PCDH15: variants seen among roughly 807,000 people sequenced by gnomAD.
PCDH15 encodes the protein protocadherin related 15.
In PCDH15, 129 loss-of-function variants were observed where a neutral mutation model predicts 178.5. That is an observed-to-expected ratio of 0.72 (90% CI 0.63 to 0.84). The LOEUF (loss-of-function observed/expected upper bound fraction) is 0.84, where lower values mean the gene tolerates loss of function less well. Ranked by LOEUF, PCDH15 falls within the 40% of genes least tolerant of loss-of-function variation. The probability of loss-of-function intolerance (pLI) is 0.00; values close to 1 mark genes in which losing one functional copy is unlikely to be tolerated. For synonymous variants in PCDH15, 800 were observed against 732.0 expected (o/e 1.09, Z -1.50); for missense variants, 2,230 against 2,099.9 (o/e 1.06, Z -1.21).
intron 2 of PCDH15, among the ~76,000 whole-genome samples, chr10:54,971,932 G>T (rs1348602972): frequency 1.3e-5 from 2 of 152,150 alleles, no homozygotes; most frequent in Non-Finnish European, 2.9e-5. Flanking sequence ...TGGTATACCT[G>T]TAGAGTTAAT....
chr10:55,243,895 A>G (rs1417367402), intron 1 of PCDH15, among the ~76,000 whole-genome samples: 2 of 152,130 alleles, frequency 1.3e-5, no homozygotes, highest in African/African-American at 4.8e-5. Flanking sequence ...GTGAATGGCT[A>G]CTTCTCACTT....
At chr10:54,916,773 G>C (rs1013155028) in intron 2 of PCDH15, among the ~76,000 whole-genome samples, 6 of 151,582 alleles carry the variant, frequency 4.0e-5, no homozygotes, top group African/African-American at 1.5e-4. Context: ...CAAATTGTAA[G>C]ATTAAAATTG....
chr10:54,047,293 TAA>T (rs1440412926), intron 18 of PCDH15, among the ~76,000 whole-genome samples: 1 of 151,148 alleles, frequency 6.6e-6, no homozygotes, highest in Non-Finnish European at 1.5e-5. Flanking sequence ...CATGAGTGGG[TAA>T]AGAGATGTGC....
chr10:55,107,520 C>T (rs1197541287), intron 2 of PCDH15, among the ~76,000 whole-genome samples: 1 of 127,680 alleles, frequency 7.8e-6, no homozygotes, highest in Non-Finnish European at 1.6e-5. Context: ...GAGATGGAGC[C>T]TCGCCCTGTT....
At chr10:55,007,071 T>A (rs2131938141) in intron 2 of PCDH15, among the ~76,000 whole-genome samples, 1 of 152,278 alleles carries the variant, frequency 6.6e-6, no homozygotes, top group East Asian at 1.9e-4. Flanking sequence ...TTTTGCTATG[T>A]GATGTGCTTG....
intron 2 of PCDH15, among the ~76,000 whole-genome samples, chr10:55,349,814 TAGAG>T (rs925659201): frequency 2.3e-4 from 35 of 152,226 alleles, no homozygotes; most frequent in Middle Eastern, 3.4e-3. Flanking sequence ...ACTTTTGCCT[TAGAG>T]AGAGAGCATG....
intron 1 of PCDH15, among the ~76,000 whole-genome samples, chr10:54,745,373 GA>G (rs11392477): frequency 6.6e-6 from 1 of 150,732 alleles, no homozygotes; most frequent in Non-Finnish European, 1.5e-5. Context: ...TATACACACA[GA>G]AAAAAAAACA....
At chr10:54,200,460 C>G (rs140556595) in intron 10 of PCDH15, among the ~76,000 whole-genome samples, 1,773 of 151,700 alleles carry the variant, frequency 0.012, 21 homozygotes, top group Middle Eastern at 0.065. Flanking sequence ...GTGTGATGTT[C>G]CCCTCCCTGT....
chr10:54,005,377 C>A (rs2092348852), intron 20 of PCDH15, among the ~76,000 whole-genome samples: 2 of 152,044 alleles, frequency 1.3e-5, no homozygotes, highest in African/African-American at 4.8e-5. Context: ...AGAGACAACC[C>A]ACAGGGTGAG....
At chr10:55,602,800 G>A (rs1463534672) in intron 2 of PCDH15, among the ~76,000 whole-genome samples, 1 of 152,170 alleles carries the variant, frequency 6.6e-6, no homozygotes, top group African/African-American at 2.4e-5. Context: ...AAACAGAACA[G>A]AAATACTGGA....
chr10:55,203,978 A>AGGC (rs1478342581), intron 1 of PCDH15, among the ~76,000 whole-genome samples: 1 of 151,958 alleles, frequency 6.6e-6, no homozygotes, highest in African/African-American at 2.4e-5. Flanking sequence ...TGGGAGGCTG[A>AGGC]GGCAGGTGGA....
intron 3 of PCDH15, among the ~76,000 whole-genome samples, chr10:54,820,296 A>G (rs1379807547): frequency 6.6e-6 from 1 of 151,874 alleles, no homozygotes; most frequent in Non-Finnish European, 1.5e-5. Flanking sequence ...GAAATGAATC[A>G]CTCATCAGGA....
At chr10:54,218,429 GACCCTTTTAA>G (rs2052354372) in intron 9 of PCDH15, among the ~76,000 whole-genome samples, 1 of 152,112 alleles carries the variant, frequency 6.6e-6, no homozygotes, top group South Asian at 2.1e-4. Flanking sequence ...TAGAGAGATA[GACCCTTTTAA>G]GAAGGTAATC....
chr10:55,368,037 C>T (rs1482493546), intron 2 of PCDH15, among the ~76,000 whole-genome samples: 1 of 152,004 alleles, frequency 6.6e-6, no homozygotes, highest in Non-Finnish European at 1.5e-5. Context: ...TTAGTTTTTG[C>T]TGTATTTATC....
At chr10:54,796,721 C>T (rs1284809039) in intron 1 of PCDH15, among the ~76,000 whole-genome samples, 1 of 151,780 alleles carries the variant, frequency 6.6e-6, no homozygotes, top group Non-Finnish European at 1.5e-5. Context: ...GTGTGACTAT[C>T]CCTGTATCTC....
At chr10:54,268,291 G>A (rs1211862346) in intron 8 of PCDH15, among the ~76,000 whole-genome samples, 1 of 151,882 alleles carries the variant, frequency 6.6e-6, no homozygotes, top group Non-Finnish European at 1.5e-5. Context: ...ATTGATAAAA[G>A]ACTTAAATGT....
intron 2 of PCDH15, among the ~76,000 whole-genome samples, chr10:55,514,330 A>G (rs1268018896): frequency 6.6e-6 from 1 of 152,160 alleles, no homozygotes; most frequent in Non-Finnish European, 1.5e-5. Context: ...GCTACCTTTA[A>G]GAAACTACCA....
chr10:54,161,404 G>C (rs910015740), intron 13 of PCDH15, among the ~76,000 whole-genome samples: 1 of 152,100 alleles, frequency 6.6e-6, no homozygotes, highest in East Asian at 1.9e-4. Context: ...AAATGGGAGT[G>C]AGCATTGACT....
chr10:53,866,582 AACACTG>A, intron 27 of PCDH15, 54 bp downstream of exon 27: 19 of 1,275,820 alleles, frequency 1.5e-5, no homozygotes, highest in Non-Finnish European at 2.2e-5. Context: ...ATAAACTGAA[AACACTG>A]ACCTATGGCT....
Sources: allele counts gnomAD v4.1 joint callset (sites outside exome capture counted in the v4.1 genomes callset), GRCh38; gene constraint gnomAD v4.1.1; transcripts MANE v1.5; gene names NCBI Gene and HGNC (gene_info 2026-07-23, HGNC 2026-07-21).